Variants in CPLANE1 observed in about 807,000 individuals in gnomAD.
CPLANE1 encodes the protein ciliogenesis and planar polarity effector 1.
In CPLANE1, 263 loss-of-function variants were observed where a neutral mutation model predicts 362.5. The ratio of observed to expected loss-of-function variants is 0.73; its 90% CI spans 0.66 to 0.80. CPLANE1 has a LOEUF of 0.80. Ranked by LOEUF, CPLANE1 falls within the 30% of genes least tolerant of loss-of-function variation. CPLANE1 has a pLI of 0.00. For missense variants in CPLANE1, 3,461 were observed against 3,793.4 expected (o/e 0.91, Z 2.30); for synonymous variants, 1,212 against 1,302.6 (o/e 0.93, Z 1.50).
chr5:37,160,424 G>A (rs1012635459), intron 38 of CPLANE1, among the ~76,000 whole-genome samples: 3 of 151,898 alleles, frequency 2.0e-5, no homozygotes, highest in African/African-American at 7.3e-5. Context: ...GCGTGGTGGA[G>A]GTCACCTGTC....
At chr5:37,200,034 C>T (rs891637740) in intron 19 of CPLANE1, among the ~76,000 whole-genome samples, 7 of 152,220 alleles carry the variant, frequency 4.6e-5, no homozygotes, top group Admixed American at 2.0e-4. Context: ...GGCCATTCTG[C>T]TCCCACAAGG....
chr5:37,085,220 C>T, the CPLANE1 span: 1 of 851,276 alleles, frequency 1.2e-6, no homozygotes, highest in Admixed American at 1.7e-5. Context: ...TTAAGTATGC[C>T]CTGACAGGAG....
chr5:37,158,878 T>C (rs1467131544), intron 38 of CPLANE1, among the ~76,000 whole-genome samples: 1 of 148,086 alleles, frequency 6.8e-6, no homozygotes, highest in Non-Finnish European at 1.5e-5. Flanking sequence ...AACCTCCACC[T>C]CCCGGGTTCA....
intron 50 of CPLANE1, among the ~76,000 whole-genome samples, chr5:37,118,400 CAAAAA>C (rs560421140): frequency 1.1e-5 from 1 of 89,254 alleles, no homozygotes; most frequent in Admixed American, 1.3e-4. Flanking sequence ...CACTGTGTCT[CAAAAA>C]AAAAAAAAAA....
intron 17 of CPLANE1, 59 bp downstream of exon 17, chr5:37,206,138 G>T (rs1307475950): frequency 3.6e-6 from 4 of 1,110,138 alleles, no homozygotes; most frequent in East Asian, 2.6e-5. Flanking sequence ...AGCAATAAGA[G>T]AAATATAAAA....
chr5:37,105,032 T>C (rs1474849842), downstream of CPLANE1, among the ~76,000 whole-genome samples: 8 of 152,182 alleles, frequency 5.3e-5, no homozygotes, highest in Non-Finnish European at 7.3e-5. Flanking sequence ...TTGGGTGCAG[T>C]GGCCCATCCC....
chr5:37,101,034 T>C, the CPLANE1 span, among the ~76,000 whole-genome samples: 1 of 151,976 alleles, frequency 6.6e-6, no homozygotes, highest in Non-Finnish European at 1.5e-5. Context: ...GTTTTCTAGA[T>C]ATAGGATCAC....
intron 16 of CPLANE1, chr5:37,211,842 T>A: frequency 1.3e-6 from 1 of 797,018 alleles, no homozygotes; most frequent in Admixed American, 1.7e-5. Context: ...GGAATTTGAA[T>A]CATCTTTTGA....
chr5:37,092,462 A>C, the CPLANE1 span, among the ~76,000 whole-genome samples: 1 of 152,260 alleles, frequency 6.6e-6, no homozygotes, highest in Non-Finnish European at 1.5e-5. Context: ...CAAAACTGGG[A>C]AAGTACTGGA....
At position 37,209,932 on chromosome 5, in the gene CPLANE1, G is replaced by C. The variant is rs772636443; in HGVS notation, c.2921-3507C>G. On this transcript the variant is annotated intron_variant, in intron 16 of 52. Coordinates refer to ENST00000651892, the MANE Select transcript of CPLANE1 (RefSeq NM_001384732.1). This position sits in a 1 kb window ranked among gnomAD's most constrained non-coding sequence, Gnocchi z 4.6. ...CAGTTTGCAGATGCTTACCCTCAGC[G>C]TATCAAGTTTGAGTCTTTAGAAATA... is the stretch of plus-strand genomic sequence containing the variant. 1.4e-5 allele frequency: 19 copies of C among 1,359,238 alleles called. No individual in the cohort carries two copies. Among genetic ancestry groups the C allele is most frequent in the Non-Finnish European group, 1.9e-5 (18 of 949,942 alleles). 84.2% of individuals were successfully genotyped at this position (1,359,238 alleles called of 1,614,324 possible). A position where few individuals can be genotyped will look rare whatever the true frequency, so the allele number is the denominator to read the frequency against.
chr5:37,156,291 T>C (rs1276666331), intron 41 of CPLANE1, among the ~76,000 whole-genome samples: 4 of 152,114 alleles, frequency 2.6e-5, no homozygotes, highest in South Asian at 2.1e-4. Flanking sequence ...CAGGATGTAG[T>C]AGCTTCAGGT....
At chr5:37,179,310 C>A in intron 29 of CPLANE1, 51 bp downstream of exon 29, 1 of 1,134,022 alleles carries the variant, frequency 8.8e-7, no homozygotes, top group Non-Finnish European at 1.3e-6. Flanking sequence ...ATAATTTAAA[C>A]ACTATACAAA....
chr5:37,127,328 T>C (rs1237549234), intron 46 of CPLANE1, among the ~76,000 whole-genome samples: 6 of 152,132 alleles, frequency 3.9e-5, no homozygotes, highest in Non-Finnish European at 4.4e-5. Context: ...ATGATAGTTG[T>C]CCCCAGTTTT....
chr5:37,213,575 T>C lies in CPLANE1; in HGVS notation c.2904A>G (p.Pro968=). The C allele has an allele frequency of 6.5e-7, 1 of 1,540,672 alleles. No homozygotes were observed. Among genetic ancestry groups the C allele is most frequent in the Non-Finnish European group, 8.8e-7 (1 of 1,140,894 alleles). The change falls in exon 16 of 53, where the codon CCA becomes CCG. Residue 968 remains proline, a synonymous_variant. Transcript: ENST00000651892. The stretch of plus-strand genomic sequence containing the variant: ...CTACATTACCTGTTTTAATATGAAG[T>C]GGGGGAAGAACATTCACATGATGAG... ...LPPHHVNVLP[P]LHIKTEQSFR... is the part of the protein sequence containing the mutation.
chr5:37,105,214 C>T (rs1208618299), downstream of CPLANE1, among the ~76,000 whole-genome samples: 2 of 151,990 alleles, frequency 1.3e-5, no homozygotes, highest in Non-Finnish European at 2.9e-5. Context: ...GTGGGAGGAT[C>T]GCTTGAGCCT....
downstream of CPLANE1, among the ~76,000 whole-genome samples, chr5:37,104,855 G>C (rs927883573): frequency 6.7e-6 from 1 of 150,138 alleles, no homozygotes; most frequent in African/African-American, 2.5e-5. Flanking sequence ...CCCAGGAAGC[G>C]GAGGTTGCAG....
chr5:37,130,434 C>A, intron 46 of CPLANE1: 1 of 217,300 alleles, frequency 4.6e-6, no homozygotes, highest in South Asian at 7.9e-5. Context: ...AGACAATGGC[C>A]AAGAACAAAT....
intron 21 of CPLANE1, among the ~76,000 whole-genome samples, chr5:37,190,777 C>T (rs1207776590): frequency 6.6e-6 from 1 of 152,130 alleles, no homozygotes; most frequent in Non-Finnish European, 1.5e-5. Flanking sequence ...CACCTAGAGA[C>T]ATCATGACAT....
intron 8 of CPLANE1, among the ~76,000 whole-genome samples, chr5:37,237,674 A>G (rs1799314294): frequency 6.6e-6 from 1 of 151,990 alleles, no homozygotes. Context: ...GTGAAACCCC[A>G]TCTCTACTAA....
Sources: gnomAD v4.1 joint callset for allele counts (sites outside exome capture counted in the v4.1 genomes callset) on GRCh38, gnomAD v4.1.1 for gene constraint, Gnocchi (gnomAD v3.1) non-coding constraint, MANE v1.5 for transcripts, NCBI Gene and HGNC (gene_info 2026-07-23, HGNC 2026-07-21) for gene names.